Variants in ROBO1 observed in about 807,000 individuals in gnomAD.
ROBO1 encodes roundabout guidance receptor 1.
In ROBO1, 149 loss-of-function variants were observed where a neutral mutation model predicts 195.9. That is an observed-to-expected ratio of 0.76 (90% CI 0.67 to 0.87). ROBO1 has a LOEUF of 0.87. Ranked by LOEUF, ROBO1 falls within the 40% of genes least tolerant of loss-of-function variation. The pLI is 0.00. For synonymous variants in ROBO1, 816 were observed against 733.2 expected (o/e 1.11, Z -1.82); for missense variants, 1,933 against 2,068.3 (o/e 0.93, Z 1.27).
At chr3:79,488,790 C>CA (rs1939294811) in intron 2 of ROBO1, among the ~76,000 whole-genome samples, 3 of 152,144 alleles carry the variant, frequency 2.0e-5, no homozygotes, top group African/African-American at 7.2e-5. Flanking sequence ...GCGCCATGTA[C>CA]TTTGGACAAA....
At chr3:78,791,748 T>TA (rs1241857757) in intron 4 of ROBO1, among the ~76,000 whole-genome samples, 1 of 152,230 alleles carries the variant, frequency 6.6e-6, no homozygotes, top group Non-Finnish European at 1.5e-5. Context: ...GAAGGAGCCC[T>TA]ACCTTTCTTG....
chr3:78,950,642 C>T (rs904119105), intron 3 of ROBO1, among the ~76,000 whole-genome samples: 3 of 150,826 alleles, frequency 2.0e-5, no homozygotes, highest in Admixed American at 2.0e-4. Flanking sequence ...TGCACATGTA[C>T]CCTAAAACTT....
chr3:78,735,555 G>T (rs866344405), intron 5 of ROBO1, among the ~76,000 whole-genome samples: 2 of 152,084 alleles, frequency 1.3e-5, no homozygotes, highest in Non-Finnish European at 2.9e-5. Context: ...ATTTCTATAT[G>T]TTCGTAATAA....
intron 2 of ROBO1, among the ~76,000 whole-genome samples, chr3:79,376,157 T>C (rs978470767): frequency 1.3e-5 from 2 of 152,220 alleles, no homozygotes; most frequent in Non-Finnish European, 2.9e-5. Context: ...CAATTCATTT[T>C]TGAGCCATTC....
intron 2 of ROBO1, among the ~76,000 whole-genome samples, chr3:79,150,448 T>C (rs1228334204): frequency 1.3e-5 from 2 of 151,766 alleles, no homozygotes; most frequent in Admixed American, 6.6e-5. Flanking sequence ...TTCAGCTACA[T>C]GTAATAAATG....
chr3:79,294,033 G>T (rs2032426287), intron 2 of ROBO1, among the ~76,000 whole-genome samples: 1 of 137,106 alleles, frequency 7.3e-6, no homozygotes, highest in Non-Finnish European at 1.5e-5. Context: ...ACTCCAGCCT[G>T]GGCGACAGAG....
chr3:79,720,430 C>T (rs1702648852), intron 1 of ROBO1, among the ~76,000 whole-genome samples: 1 of 152,138 alleles, frequency 6.6e-6, no homozygotes, highest in Non-Finnish European at 1.5e-5. Context: ...ACTACAGTTC[C>T]AGTGGATTCT....
intron 9 of ROBO1, among the ~76,000 whole-genome samples, chr3:78,687,458 A>G (rs181409209): frequency 2.5e-3 from 379 of 152,344 alleles, no homozygotes; most frequent in Non-Finnish European, 3.2e-3. Flanking sequence ...ACCAAATATT[A>G]AATGCAGTCA....
intron 1 of ROBO1, among the ~76,000 whole-genome samples, chr3:79,599,598 T>C (rs1182195416): frequency 6.6e-6 from 1 of 151,546 alleles, no homozygotes; most frequent in Non-Finnish European, 1.5e-5. Flanking sequence ...AACTTACAAA[T>C]CCTTAGGGGT....
intron 1 of ROBO1, among the ~76,000 whole-genome samples, chr3:79,617,347 T>C (rs1254970286): frequency 6.6e-6 from 1 of 152,026 alleles, no homozygotes; most frequent in Non-Finnish European, 1.5e-5. Flanking sequence ...AAGAAGATAA[T>C]CTTCCTGAGA....
intron 2 of ROBO1, among the ~76,000 whole-genome samples, chr3:79,238,817 T>C (rs192016315): frequency 3.9e-5 from 6 of 152,350 alleles, no homozygotes. Flanking sequence ...TGTTTCTCTT[T>C]CCCTGCTCAG....
chr3:78,845,273 A>C (rs2033580536), intron 4 of ROBO1, among the ~76,000 whole-genome samples: 1 of 151,836 alleles, frequency 6.6e-6, no homozygotes. Flanking sequence ...CACAGATTTT[A>C]GAGATTTAAT....
At chr3:79,733,435 A>G (rs756631277) in intron 1 of ROBO1, among the ~76,000 whole-genome samples, 4 of 152,198 alleles carry the variant, frequency 2.6e-5, no homozygotes, top group Non-Finnish European at 5.9e-5. Flanking sequence ...ACCTGGAAGA[A>G]AGCTCCACAA....
At chr3:78,684,532 TAATCGGGAA>T (rs2081007483) in intron 10 of ROBO1, among the ~76,000 whole-genome samples, 1 of 152,032 alleles carries the variant, frequency 6.6e-6, no homozygotes, top group Non-Finnish European at 1.5e-5. Context: ...TCAGTTTACG[TAATCGGGAA>T]AATAAGAGTG....
chr3:79,556,145 A>G (rs1001168736), intron 2 of ROBO1, among the ~76,000 whole-genome samples: 1 of 152,110 alleles, frequency 6.6e-6, no homozygotes, highest in Non-Finnish European at 1.5e-5. Flanking sequence ...TTCTTTAAAT[A>G]TATAGAATTA....
chr3:79,417,085 G>A (rs1302024034), intron 2 of ROBO1, among the ~76,000 whole-genome samples: 1 of 152,152 alleles, frequency 6.6e-6, no homozygotes, highest in Non-Finnish European at 1.5e-5. Context: ...CCACAAATAT[G>A]TTGGTACTCC....
At chr3:79,212,481 G>C (rs1576822226) in intron 2 of ROBO1, among the ~76,000 whole-genome samples, 1 of 152,254 alleles carries the variant, frequency 6.6e-6, no homozygotes, top group South Asian at 2.1e-4. Flanking sequence ...CAAACCGACT[G>C]TCTTTTTTAG....
rs756258732 is a variant in ROBO1 at position 78,964,087 on chromosome 3, C to T, written c.173-25160G>A. 7.2e-5 allele frequency among the ~76,000 whole-genome samples: 11 copies of T among 152,176 alleles called. No individual in the cohort carries two copies. The South Asian group carries it at 1.0e-3, about 14-fold the overall frequency. ...TTCTAGTGGTTTCCTGGCAGTTCCC[C>T]GGCGGCTGCTGCATCACCTATCCTG... On this transcript the variant is annotated intron_variant, in intron 3 of 30. Transcript: ENST00000464233.
chr3:78,842,231 A>T (rs199528963), intron 4 of ROBO1, among the ~76,000 whole-genome samples: 14 of 107,012 alleles, frequency 1.3e-4, no homozygotes, highest in African/African-American at 3.7e-4. Context: ...CCATATATAT[A>T]TTTATATATA....
Sources: gnomAD v4.1 joint callset for allele counts (sites outside exome capture counted in the v4.1 genomes callset) on GRCh38, gnomAD v4.1.1 for gene constraint, MANE v1.5 for transcripts, NCBI Gene and HGNC (gene_info 2026-07-23, HGNC 2026-07-21) for gene names.